SYBU: variants seen among roughly 807,000 people sequenced by gnomAD.
SYBU encodes the protein syntabulin.
SYBU carries 21 observed loss-of-function variants against 35.9 expected under a neutral mutation model. The observed-to-expected ratio is 0.58, with a 90% CI of 0.41 to 0.84. The LOEUF is 0.84. Among genes scored for constraint, SYBU ranks in the 40% least tolerant of loss-of-function variants. The pLI is 0.00. For synonymous variants in SYBU, 319 were observed against 324.3 expected, an observed-to-expected ratio of 0.98 and a Z score of 0.18; for missense variants, 768 against 848.2, an observed-to-expected ratio of 0.91 and a Z score of 1.17.
intron 1 of SYBU, among the ~76,000 whole-genome samples, chr8:109,672,231 G>A (rs1418647889): frequency 1.3e-5 from 2 of 152,132 alleles, no homozygotes; most frequent in Admixed American, 6.5e-5. Context: ...AAAGCTGGGG[G>A]TGGCTGGCAA....
intron 1 of SYBU, among the ~76,000 whole-genome samples, chr8:109,678,756 T>A (rs1244051720): frequency 2.0e-5 from 3 of 152,236 alleles, no homozygotes; most frequent in Admixed American, 2.0e-4. Flanking sequence ...ACTTTTAAAA[T>A]CATGCAGGAA....
chr8:109,659,390 G>C (rs1039579885), intron 1 of SYBU, among the ~76,000 whole-genome samples: 8 of 152,148 alleles, frequency 5.3e-5, no homozygotes, highest in African/African-American at 1.7e-4. Flanking sequence ...TTCTATTCAT[G>C]ATGATCAAAT....
At chr8:109,689,850 A>C (rs1401470095) in intron 1 of SYBU, among the ~76,000 whole-genome samples, 2 of 145,714 alleles carry the variant, frequency 1.4e-5, no homozygotes, top group Non-Finnish European at 3.1e-5. Context: ...AAAAAAAAAA[A>C]AAAAACCATG....
Position 109,670,658 on chromosome 8 carries a change from C to T in SYBU, c.-129+10053G>A, listed in dbSNP as rs543191330. On this transcript the variant is annotated intron_variant, in intron 1 of 5. Transcript: ENST00000408889. ...ATGGTCATTCACTTCTATAATTTAT[C>T]TTTCATTATTGTTTAAACATAAGAT... Among the ~76,000 whole-genome samples, 11 of 152,108 alleles carry T rather than the reference C, an allele frequency of 7.2e-5. No homozygotes were observed. The East Asian group carries it at 1.7e-3, about 24-fold the overall frequency.
At chr8:109,629,488 G>C (rs1026954105) in intron 2 of SYBU, among the ~76,000 whole-genome samples, 3 of 152,198 alleles carry the variant, frequency 2.0e-5, no homozygotes, top group Non-Finnish European at 4.4e-5. Flanking sequence ...TAATCAGTAA[G>C]TGGCAGAGTG....
At chr8:109,681,433 A>T (rs1817393785), upstream of SYBU, among the ~76,000 whole-genome samples, 1 of 152,216 alleles carries the variant, frequency 6.6e-6, no homozygotes, top group Non-Finnish European at 1.5e-5. Context: ...GTATAGGAAA[A>T]ATTTAATTTC....
intron 4 of SYBU, among the ~76,000 whole-genome samples, chr8:109,583,708 C>A (rs1042287216): frequency 2.6e-5 from 4 of 152,198 alleles, no homozygotes; most frequent in African/African-American, 9.6e-5. Flanking sequence ...GCTGCCCCCC[C>A]ATGCGTGGCC....
chr8:109,614,594 A>T (rs1016968533), intron 3 of SYBU, among the ~76,000 whole-genome samples: 1 of 152,256 alleles, frequency 6.6e-6, no homozygotes, highest in African/African-American at 2.4e-5. Flanking sequence ...CTCCTCCCAC[A>T]CAAAACATAA....
At chr8:109,647,084 A>G (rs916521765), upstream of SYBU, 1 of 152,308 alleles carries the variant, frequency 6.6e-6, no homozygotes, top group African/African-American at 2.4e-5. Context: ...AAAACTCATT[A>G]ATGATTTCCT....
upstream of SYBU, among the ~76,000 whole-genome samples, chr8:109,682,880 T>C (rs557325093): frequency 6.6e-6 from 1 of 152,322 alleles, no homozygotes; most frequent in East Asian, 1.9e-4. Context: ...TTCTAAGCCA[T>C]GGCTAAAAGG....
chr8:109,590,961 G>C (rs769203854), intron 3 of SYBU, among the ~76,000 whole-genome samples: 13 of 152,154 alleles, frequency 8.5e-5, no homozygotes, highest in Non-Finnish European at 1.8e-4. Flanking sequence ...TCCATTAAGG[G>C]TTTGTGAAAA....
At chr8:109,638,605 A>G (rs546347225) in intron 2 of SYBU, among the ~76,000 whole-genome samples, 1 of 152,320 alleles carries the variant, frequency 6.6e-6, no homozygotes, top group South Asian at 2.1e-4. Flanking sequence ...TATTAACTGT[A>G]CTTCCTTACG....
At chr8:109,671,846 A>G (rs1816991743) in intron 1 of SYBU, among the ~76,000 whole-genome samples, 1 of 152,208 alleles carries the variant, frequency 6.6e-6, no homozygotes, top group Non-Finnish European at 1.5e-5. Context: ...TGAATTAAAA[A>G]TGAGTTATTA....
At chr8:109,678,857 C>A (rs1817299771) in intron 1 of SYBU, among the ~76,000 whole-genome samples, 1 of 152,046 alleles carries the variant, frequency 6.6e-6, no homozygotes, top group Non-Finnish European at 1.5e-5. Context: ...TGGAGCCCAC[C>A]ATGTGATTCT....
intron 2 of SYBU, among the ~76,000 whole-genome samples, chr8:109,635,139 C>T (rs1446248961): frequency 6.6e-6 from 1 of 152,216 alleles, no homozygotes; most frequent in Non-Finnish European, 1.5e-5. Flanking sequence ...GTTGATACAT[C>T]CCATCTCTTG....
chr8:109,668,132 G>T (rs1334154247), intron 1 of SYBU, among the ~76,000 whole-genome samples: 5 of 136,402 alleles, frequency 3.7e-5, no homozygotes, highest in African/African-American at 1.4e-4. Flanking sequence ...AGGGAGGGAG[G>T]GGGGAAGGAA....
At chr8:109,615,719 G>A (rs1430239677) in intron 3 of SYBU, among the ~76,000 whole-genome samples, 1 of 152,136 alleles carries the variant, frequency 6.6e-6, no homozygotes, top group African/African-American at 2.4e-5. Flanking sequence ...ATTAGAAGCA[G>A]TTGACAAAGT....
chr8:109,622,130 T>C (rs1322642394), intron 2 of SYBU, among the ~76,000 whole-genome samples: 1 of 152,052 alleles, frequency 6.6e-6, no homozygotes, highest in Non-Finnish European at 1.5e-5. Flanking sequence ...AGATTCTTTT[T>C]TTTTCAAGAC....
chr8:109,617,223 A>G (rs576331605), intron 3 of SYBU, among the ~76,000 whole-genome samples: 6 of 152,254 alleles, frequency 3.9e-5, no homozygotes, highest in Non-Finnish European at 8.8e-5. Flanking sequence ...AAGGGAAAGA[A>G]GCCATGTACA....
Sources: gnomAD v4.1 joint callset for allele counts (sites outside exome capture counted in the v4.1 genomes callset) on GRCh38, gnomAD v4.1.1 for gene constraint, MANE v1.5 for transcripts, NCBI Gene and HGNC (gene_info 2026-07-23, HGNC 2026-07-21) for gene names.